TRPM3: variants seen among roughly 807,000 people sequenced by gnomAD.
TRPM3 encodes transient receptor potential cation channel subfamily M member 3.
A neutral mutation model predicts 181.2 loss-of-function variants in TRPM3; 77 were observed. That is an observed-to-expected ratio of 0.42 (90% CI 0.35 to 0.51). The LOEUF (loss-of-function observed/expected upper bound fraction) is 0.51, where lower values mean the gene tolerates loss of function less well. Ranked by LOEUF, TRPM3 falls within the 20% of genes least tolerant of loss-of-function variation. The pLI, the probability that TRPM3 is intolerant of heterozygous loss-of-function variation, is 0.01. For synonymous variants in TRPM3, 745 were observed against 796.4 expected, an observed-to-expected ratio of 0.94 and a Z score of 1.09; for missense variants, 1,759 against 2,196.7, an observed-to-expected ratio of 0.80 and a Z score of 3.98.
chr9:71,331,679 G>C (rs997499897), intron 1 of TRPM3, among the ~76,000 whole-genome samples: 11 of 139,588 alleles, frequency 7.9e-5, no homozygotes, highest in Non-Finnish European at 4.7e-5. Flanking sequence ...GGAGGAGGAG[G>C]AGGGAGAGGA....
intron 1 of TRPM3, among the ~76,000 whole-genome samples, chr9:71,312,189 C>A (rs1377890090): frequency 6.6e-6 from 1 of 152,036 alleles, no homozygotes; most frequent in East Asian, 1.9e-4. Context: ...GACTGTTACC[C>A]AAAATATATT....
At chr9:70,747,885 T>C (rs2075459889) in intron 8 of TRPM3, among the ~76,000 whole-genome samples, 1 of 152,022 alleles carries the variant, frequency 6.6e-6, no homozygotes, top group Non-Finnish European at 1.5e-5. Context: ...GAGTGGAACT[T>C]GGAAATGCAG....
chr9:71,237,909 G>C (rs946299186), intron 1 of TRPM3, among the ~76,000 whole-genome samples: 2 of 152,118 alleles, frequency 1.3e-5, no homozygotes, highest in Admixed American at 1.3e-4. Context: ...CCTTAATCCT[G>C]TTAATTAGGA....
intron 1 of TRPM3, among the ~76,000 whole-genome samples, chr9:70,907,746 A>G (rs2096487511): frequency 6.6e-6 from 1 of 152,006 alleles, no homozygotes; most frequent in South Asian, 2.1e-4. Flanking sequence ...CACTGTTTCC[A>G]TCTTTGTGCC....
intron 1 of TRPM3, among the ~76,000 whole-genome samples, chr9:71,389,050 G>T (rs780191456): frequency 2.6e-5 from 4 of 151,814 alleles, no homozygotes; most frequent in South Asian, 2.1e-4. Flanking sequence ...CAACCCATCC[G>T]GAAAACTTAT....
At chr9:70,699,843 C>T (rs768990122) in intron 8 of TRPM3, among the ~76,000 whole-genome samples, 2 of 152,114 alleles carry the variant, frequency 1.3e-5, no homozygotes, top group African/African-American at 2.4e-5. Context: ...GATGCAGGGG[C>T]AAAGCCGTGT....
intron 9 of TRPM3, among the ~76,000 whole-genome samples, chr9:70,679,019 T>A (rs892409485): frequency 1.3e-5 from 2 of 152,248 alleles, no homozygotes; most frequent in Non-Finnish European, 2.9e-5. Flanking sequence ...TAGATAATGT[T>A]CATGATGGTG....
chr9:71,139,559 G>A (rs2074975049), intron 1 of TRPM3, among the ~76,000 whole-genome samples: 1 of 152,090 alleles, frequency 6.6e-6, no homozygotes, highest in Non-Finnish European at 1.5e-5. Context: ...AGTAATGTCT[G>A]AGCTCGTAAA....
chr9:71,358,019 G>A (rs772754603), intron 1 of TRPM3, among the ~76,000 whole-genome samples: 3 of 152,080 alleles, frequency 2.0e-5, no homozygotes, highest in Non-Finnish European at 4.4e-5. Context: ...GTGTAGAAAT[G>A]AGTGAACAAT....
chr9:70,608,027 A>G (rs2061461372), intron 19 of TRPM3, among the ~76,000 whole-genome samples: 2 of 152,230 alleles, frequency 1.3e-5, no homozygotes, highest in Admixed American at 6.5e-5. Context: ...AACAAGACCA[A>G]TCACCGAGTT....
rs1588633852 is a variant in TRPM3 at position 71,353,532 on chromosome 9, C to T, written c.183+93121G>A. ...CAACAGTCAGGGCATCTCATCACTACCTGTGTTGCCTAGGGCGAATGACTT... is the reference window on the plus strand; with the variant it reads ...CAACAGTCAGGGCATCTCATCACTATCTGTGTTGCCTAGGGCGAATGACTT... On this transcript the variant is annotated intron_variant, in intron 1 of 24. Coordinates refer to the TRPM3 transcript ENST00000357533. Among the ~76,000 whole-genome samples, 6 of 152,276 alleles carry T rather than the reference C, an allele frequency of 3.9e-5. No homozygotes were observed. The South Asian group carries it at 1.2e-3, about 32-fold the overall frequency.
intron 1 of TRPM3, among the ~76,000 whole-genome samples, chr9:70,926,409 T>C (rs1245842159): frequency 6.6e-6 from 1 of 152,164 alleles, no homozygotes; most frequent in African/African-American, 2.4e-5. Flanking sequence ...ATGAACCCTT[T>C]TGTATAAATC....
rs1406158958 is a variant in TRPM3, at chr9:70,752,037, TGTGTGTGTGTGTGCGCGC to T, written c.1272+9546_1272+9563del. ...GTGTGTGTGTGTGTGTGTGTGTGTG[TGTGTGTGTGTGTGCGCGC>T]GCGCGCGCATACACATGTACATGCA... On this transcript the variant is annotated intron_variant, in intron 8 of 25. Transcript: ENST00000677713. Among the ~76,000 whole-genome samples, 102 of 116,442 alleles carry T rather than the reference TGTGTGTGTGTGTGCGCGC, an allele frequency of 8.8e-4. 3 individuals are homozygous for T. The South Asian group carries it at 8.8e-3, about 10-fold the overall frequency. The allele number at this position is 116,442 out of a possible 152,430, so 76.4% of individuals were successfully genotyped here. A position where few individuals can be genotyped will look rare whatever the true frequency, so the allele number is the denominator to read the frequency against.
chr9:71,318,224 G>T (rs1232162969), intron 1 of TRPM3, among the ~76,000 whole-genome samples: 1 of 152,084 alleles, frequency 6.6e-6, no homozygotes, highest in Non-Finnish European at 1.5e-5. Flanking sequence ...CCAAAATCAG[G>T]GGTTTTAAAA....
chr9:70,842,799 G>C (rs969662378), intron 5 of TRPM3: 2 of 525,712 alleles, frequency 3.8e-6, no homozygotes, highest in East Asian at 6.0e-5. Flanking sequence ...GACCTTTCTT[G>C]ATCATAAGAA....
intron 12 of TRPM3, among the ~76,000 whole-genome samples, chr9:70,630,527 AT>A (rs2065629730): frequency 6.6e-6 from 1 of 152,248 alleles, no homozygotes; most frequent in Admixed American, 6.5e-5. Context: ...AGTACCTCAC[AT>A]GCCAACAGGT....
chr9:71,358,012 T>C (rs1288360575), intron 1 of TRPM3, among the ~76,000 whole-genome samples: 3 of 152,088 alleles, frequency 2.0e-5, no homozygotes, highest in Non-Finnish European at 2.9e-5. Flanking sequence ...GGAAAAAGTG[T>C]AGAAATGAGT....
At chr9:70,596,802 G>A (rs1713265200) in intron 21 of TRPM3, among the ~76,000 whole-genome samples, 1 of 151,922 alleles carries the variant, frequency 6.6e-6, no homozygotes, top group Non-Finnish European at 1.5e-5. Context: ...TAGCAAAGAG[G>A]TTTTTCTTTT....
chr9:70,818,323 T>C (rs2092879855), intron 6 of TRPM3, among the ~76,000 whole-genome samples: 1 of 152,232 alleles, frequency 6.6e-6, no homozygotes, highest in African/African-American at 2.4e-5. Flanking sequence ...AATTTATAGA[T>C]TATATGTTAG....
Sources: allele counts gnomAD v4.1 joint callset (sites outside exome capture counted in the v4.1 genomes callset), GRCh38; gene constraint gnomAD v4.1.1; transcripts MANE v1.5; gene names NCBI Gene and HGNC (gene_info 2026-07-23, HGNC 2026-07-21).